NBEA: variants seen among roughly 807,000 people sequenced by gnomAD.
NBEA encodes the protein neurobeachin, also known as lysosomal-trafficking regulator 2.
A neutral mutation model predicts 343.4 loss-of-function variants in NBEA; 44 were observed. That is an observed-to-expected ratio of 0.13 (90% CI 0.10 to 0.16). The LOEUF is 0.16. Among genes scored for constraint, NBEA ranks in the 10% least tolerant of loss-of-function variants. The probability of loss-of-function intolerance (pLI) is 1.00; values close to 1 mark genes in which losing one functional copy is unlikely to be tolerated. For missense variants in NBEA, 2,555 were observed against 3,631.3 expected (o/e 0.70, Z 7.62); for synonymous variants, 1,175 against 1,238.7 (o/e 0.95, Z 1.08).
intron 51 of NBEA, among the ~76,000 whole-genome samples, chr13:35,646,723 G>C (rs916956972): frequency 6.6e-6 from 1 of 152,146 alleles, no homozygotes; most frequent in Non-Finnish European, 1.5e-5. Context: ...TTCGTGGCAA[G>C]ATACAGTAGG....
rs538726257 is a variant in NBEA, at chr13:35,180,406, A to T, written c.4663-1954A>T. Among the ~76,000 whole-genome samples the T allele has an allele frequency of 2.0e-5, 3 of 151,880 alleles. No homozygotes were observed. The East Asian group carries it at 5.8e-4, about 29-fold the overall frequency. ...GAAATAAGTTTATCTAGGCTTTTTGAATAGAGCTCTCAAGGTTACATGCAG... is the reference window on the plus strand; with the variant it reads ...GAAATAAGTTTATCTAGGCTTTTTGTATAGAGCTCTCAAGGTTACATGCAG... On this transcript the variant is annotated intron_variant, in intron 28 of 58. Coordinates refer to ENST00000379939, the MANE Select transcript of NBEA (RefSeq NM_001385012.1).
chr13:35,386,449 G>T, intron 38 of NBEA, among the ~76,000 whole-genome samples: 1 of 152,056 alleles, frequency 6.6e-6, no homozygotes, highest in East Asian at 1.9e-4. Context: ...TTAGCTGTTA[G>T]TTAACAAATG....
chr13:34,969,329 C>A (rs554903789), intron 1 of NBEA, among the ~76,000 whole-genome samples: 8 of 151,048 alleles, frequency 5.3e-5, no homozygotes, highest in Non-Finnish European at 1.2e-4. Context: ...AAAAAAAAAA[C>A]TAAAATTTTT....
intron 17 of NBEA, among the ~76,000 whole-genome samples, chr13:35,132,515 G>A (rs1454674032): frequency 1.3e-5 from 2 of 152,142 alleles, no homozygotes; most frequent in Non-Finnish European, 2.9e-5. Flanking sequence ...TCAATCAGCT[G>A]ATGAATGGAC....
intron 41 of NBEA, among the ~76,000 whole-genome samples, chr13:35,537,151 C>G (rs1333200529): frequency 6.6e-6 from 1 of 152,078 alleles, no homozygotes; most frequent in Non-Finnish European, 1.5e-5. Flanking sequence ...AAATTTTGAT[C>G]AGGCCTTCTG....
chr13:35,349,480 G>T (rs2040061019), intron 37 of NBEA, among the ~76,000 whole-genome samples: 1 of 151,774 alleles, frequency 6.6e-6, no homozygotes. Context: ...AAGAGTAAAT[G>T]CAAAAAATAA....
chr13:35,167,956 G>C (rs2152719454), intron 24 of NBEA, among the ~76,000 whole-genome samples: 1 of 151,874 alleles, frequency 6.6e-6, no homozygotes, highest in East Asian at 1.9e-4. Flanking sequence ...AAAAATAGTA[G>C]AGACTGACAT....
intron 18 of NBEA, among the ~76,000 whole-genome samples, chr13:35,153,905 G>A (rs2068967592): frequency 6.6e-6 from 1 of 152,150 alleles, no homozygotes; most frequent in South Asian, 2.1e-4. Flanking sequence ...GCAAGTTGTT[G>A]TGAAAACTAC....
intron 34 of NBEA, among the ~76,000 whole-genome samples, chr13:35,237,424 T>C (rs927501943): frequency 6.6e-6 from 1 of 152,222 alleles, no homozygotes; most frequent in Middle Eastern, 3.2e-3. Context: ...TTCTTGAGCA[T>C]GTACTCTTAC....
intron 46 of NBEA, 127 bp from the exon 47 acceptor site, chr13:35,593,201 G>T: frequency 1.0e-6 from 1 of 987,416 alleles, no homozygotes; most frequent in Non-Finnish European, 1.4e-6. Context: ...TTAATTTGGG[G>T]GCATCTTTCT....
chr13:35,275,259 G>C (rs1048017026), intron 34 of NBEA, among the ~76,000 whole-genome samples: 2 of 152,124 alleles, frequency 1.3e-5, no homozygotes, highest in Non-Finnish European at 2.9e-5. Flanking sequence ...AATGGGGAAA[G>C]GATTCCCTAT....
chr13:35,016,626 ATTTAT>A (rs2061669946), intron 1 of NBEA, among the ~76,000 whole-genome samples: 2 of 151,480 alleles, frequency 1.3e-5, no homozygotes, highest in East Asian at 1.9e-4. Context: ...ACACACATTT[ATTTAT>A]TTTAATTTGA....
At chr13:35,322,257 G>A (rs188275855) in intron 36 of NBEA, among the ~76,000 whole-genome samples, 1 of 152,310 alleles carries the variant, frequency 6.6e-6, no homozygotes, top group African/African-American at 2.4e-5. Flanking sequence ...CCTGGTCTGT[G>A]GGTTGCAAAC....
At chr13:35,582,508 TTTAAACC>T (rs1195523810) in intron 45 of NBEA, among the ~76,000 whole-genome samples, 30 of 152,208 alleles carry the variant, frequency 2.0e-4, no homozygotes, top group African/African-American at 7.0e-4. Flanking sequence ...CACAATAAAA[TTTAAACC>T]TTAGAACTTT....
At chr13:35,618,545 A>G (rs1192774097) in intron 48 of NBEA, among the ~76,000 whole-genome samples, 1 of 148,718 alleles carries the variant, frequency 6.7e-6, no homozygotes, top group Non-Finnish European at 1.5e-5. Context: ...GTGAAATACA[A>G]AGTTTACTCT....
intron 51 of NBEA, among the ~76,000 whole-genome samples, chr13:35,647,210 G>A (rs1294906712): frequency 6.6e-6 from 1 of 152,058 alleles, no homozygotes; most frequent in African/African-American, 2.4e-5. Context: ...AAATTTTTAT[G>A]AGCAATTTCT....
chr13:35,245,356 T>C (rs2031023371), intron 34 of NBEA, among the ~76,000 whole-genome samples: 1 of 152,166 alleles, frequency 6.6e-6, no homozygotes. Context: ...ATGAATCCTT[T>C]TTTTTGTAAT....
chr13:35,574,380 C>CAAA (rs1313695369), intron 45 of NBEA, among the ~76,000 whole-genome samples: 14,925 of 122,458 alleles, frequency 0.12, 780 homozygotes, highest in East Asian at 0.23. Flanking sequence ...TATACACTAT[C>CAAA]AAAAAAAAAG....
chr13:35,254,741 T>C (rs1306872408), intron 34 of NBEA, among the ~76,000 whole-genome samples: 1 of 152,164 alleles, frequency 6.6e-6, no homozygotes, highest in African/African-American at 2.4e-5. Context: ...TCTGGAATAC[T>C]ATTTTTAGTT....
Sources: allele counts gnomAD v4.1 joint callset (sites outside exome capture counted in the v4.1 genomes callset), GRCh38; gene constraint gnomAD v4.1.1; transcripts MANE v1.5; gene names NCBI Gene and HGNC (gene_info 2026-07-23, HGNC 2026-07-21).